The following EFL1 variants were observed in gnomAD, a reference collection of about 807,000 sequenced individuals.
The protein encoded by EFL1 is elongation factor-like GTPase 1.
EFL1 carries 76 observed loss-of-function variants against 126.7 expected under a neutral mutation model. The observed-to-expected ratio is 0.60, with a 90% confidence interval of 0.50 to 0.73. The LOEUF is 0.73. Ranked by LOEUF, EFL1 falls within the 30% of genes least tolerant of loss-of-function variation. The pLI, the probability that EFL1 is intolerant of heterozygous loss-of-function variation, is 0.00. For synonymous variants in EFL1, 410 were observed against 448.4 expected, an observed-to-expected ratio of 0.91 and a Z score of 1.08; for missense variants, 1,128 against 1,343.2, an observed-to-expected ratio of 0.84 and a Z score of 2.50.
Position 82,225,911 on chromosome 15 carries a change from T to C in EFL1, c.1193-647A>G, listed in dbSNP as rs116592383. On this transcript the variant is annotated intron_variant, in intron 11 of 19. Transcript: ENST00000268206. Reference sequence around the variant, plus strand: ...AATGAATTTTTTTAAAACAATTCCATCACCTCACGTTAAAATAATTTATAT... The same window carrying C: ...AATGAATTTTTTTAAAACAATTCCACCACCTCACGTTAAAATAATTTATAT... 6.0e-3 allele frequency among the ~76,000 whole-genome samples: 910 copies of C among 152,196 alleles called. 11 individuals carry two copies. The highest frequency in any genetic ancestry group is 0.021 in the African/African-American group (870 of 41,520).
At position 82,151,886 on chromosome 15, in the gene EFL1, T is replaced by C; in HGVS notation, c.2568A>G (p.Ser856=). 2 of 1,614,164 alleles carry C rather than the reference T, an allele frequency of 1.2e-6. No homozygotes were observed. Among genetic ancestry groups the C allele is most frequent in the East Asian group, 2.2e-5 (1 of 44,876 alleles). ...SVWTGPADKA[S]KEASRYRDLG... ...AATCTCGGTATCTACTGGCTTCTTT[T>C]GAAGCTTTGTCAGCTGGACCTGTCC... is the stretch of plus-strand genomic sequence containing the variant. Residue 856 remains serine, a synonymous_variant, in exon 18 of 20, where the codon TCA becomes TCG. Coordinates refer to ENST00000268206, the MANE Select transcript of EFL1 (RefSeq NM_024580.6).
rs781311907 is a variant in EFL1, at chr15:82,261,814, T to C, written c.-19-17A>G. 66 of 1,591,818 alleles carry C rather than the reference T, an allele frequency of 4.1e-5. No homozygotes were observed. Among genetic ancestry groups the C allele is most frequent in the Non-Finnish European group, 5.3e-5 (62 of 1,163,176 alleles). On this transcript the variant is annotated splice_polypyrimidine_tract_variant and intron_variant, in intron 1 of 19. Coordinates refer to ENST00000268206, the MANE Select transcript of EFL1 (RefSeq NM_024580.6). ...TTCCTGTGACTAAAAATTAAATATGTATTACAAATGGCCCAGAGGCTAAAG... is the reference window on the plus strand; with the variant it reads ...TTCCTGTGACTAAAAATTAAATATGCATTACAAATGGCCCAGAGGCTAAAG...
At chr15:82,164,007 C>T (rs201715677) in intron 15 of EFL1, 23 bp from the exon 16 acceptor site, 178 of 1,612,006 alleles carry the variant, frequency 1.1e-4, no homozygotes, top group Non-Finnish European at 7.5e-5. Context: ...AAGATCCATA[C>T]GGTCAATAAG....
At chr15:82,214,691 G>A in intron 15 of EFL1, 26 bp downstream of exon 15, 1 of 1,391,550 alleles carries the variant, frequency 7.2e-7, no homozygotes, top group South Asian at 1.3e-5. Context: ...AATGGAGTAA[G>A]GATAAAATAA....
In EFL1 at chr15:82,230,928, T is replaced by C. The variant is rs1166081021; in HGVS notation, c.775A>G (p.Lys259Glu). ...AAGGTTTTCATAAGAACTTCCTTTT[T>C]GATGCCAATTTTTTGACTGTAGATT... is the stretch of plus-strand genomic sequence containing the variant. ...ARIYSQKIGI[K>E]KEVLMKTLWG... The change falls in exon 8 of 20, where the codon AAA becomes GAA. Residue 259 changes from lysine (K) to glutamate (E), a missense_variant. Physicochemically the swap from Lys to Glu is moderately conservative, Grantham distance 56. Coordinates refer to ENST00000268206, the MANE Select transcript of EFL1 (RefSeq NM_024580.6). 13 of 1,613,422 alleles carry C rather than the reference T, an allele frequency of 8.1e-6. No homozygotes were observed. Among genetic ancestry groups the C allele is most frequent in the Non-Finnish European group, 1.0e-5 (12 of 1,179,676 alleles).
At chr15:82,186,153 A>G (rs927847470) in intron 15 of EFL1, among the ~76,000 whole-genome samples, 10 of 152,124 alleles carry the variant, frequency 6.6e-5, no homozygotes, top group African/African-American at 1.9e-4. Context: ...TTCTTACCAA[A>G]TAATAAAAGC....
intron 7 of EFL1, among the ~76,000 whole-genome samples, chr15:82,233,014 T>C (rs2074838021): frequency 6.6e-6 from 1 of 152,154 alleles, no homozygotes; most frequent in Admixed American, 6.6e-5. Context: ...GTGGTAAACT[T>C]AAAGATTTTT....
chr15:82,217,117 G>A (rs1357592013), intron 14 of EFL1, among the ~76,000 whole-genome samples: 6 of 151,848 alleles, frequency 4.0e-5, no homozygotes, highest in Non-Finnish European at 8.8e-5. Flanking sequence ...GCAAAATACC[G>A]TAATATACCC....
intron 13 of EFL1, 97 bp from the exon 14 acceptor site, chr15:82,219,915 C>A: frequency 6.7e-7 from 1 of 1,491,906 alleles, no homozygotes; most frequent in South Asian, 1.4e-5. Flanking sequence ...TATCTTTCGT[C>A]AAGTTTCAGG....
intron 12 of EFL1, among the ~76,000 whole-genome samples, chr15:82,224,176 T>A (rs1203434540): frequency 2.0e-5 from 3 of 152,190 alleles, no homozygotes; most frequent in African/African-American, 7.2e-5. Flanking sequence ...CTAAGACAGG[T>A]CAAGTTTATT....
At chr15:82,136,213 A>G (rs1236723933) in intron 19 of EFL1, among the ~76,000 whole-genome samples, 1 of 152,216 alleles carries the variant, frequency 6.6e-6, no homozygotes, top group Non-Finnish European at 1.5e-5. Flanking sequence ...TCATTCTTCC[A>G]ATAATGATGC....
chr15:82,207,825 G>A (rs1169811869), intron 15 of EFL1, among the ~76,000 whole-genome samples: 1 of 151,596 alleles, frequency 6.6e-6, no homozygotes, highest in Non-Finnish European at 1.5e-5. Flanking sequence ...CGGGTTCAAG[G>A]GATTCTCCTG....
At chr15:82,241,441 C>A in intron 4 of EFL1, 38 bp from the exon 5 acceptor site, 1 of 1,596,268 alleles carries the variant, frequency 6.3e-7, no homozygotes, top group South Asian at 1.1e-5. Flanking sequence ...TTCAGTTGTC[C>A]AGGTACACAA....
chr15:82,207,742 A>AG (rs1438683820), intron 15 of EFL1, among the ~76,000 whole-genome samples: 1 of 146,966 alleles, frequency 6.8e-6, no homozygotes, highest in African/African-American at 2.6e-5. Context: ...TTTTTTGAGA[A>AG]GGAGTTTCGC....
intron 15 of EFL1, among the ~76,000 whole-genome samples, chr15:82,166,416 T>G (rs545154667): frequency 1.3e-5 from 2 of 152,220 alleles, no homozygotes; most frequent in Non-Finnish European, 2.9e-5. Flanking sequence ...GATTAGAATT[T>G]ATGGAAAAAG....
chr15:82,226,892 G>A (rs545458788), intron 11 of EFL1, among the ~76,000 whole-genome samples: 2 of 152,312 alleles, frequency 1.3e-5, no homozygotes, highest in East Asian at 1.9e-4. Flanking sequence ...AGGGAGACAC[G>A]AAGAAAAGCA....
At chr15:82,132,123 C>T (rs762083370) in intron 19 of EFL1, among the ~76,000 whole-genome samples, 8 of 152,260 alleles carry the variant, frequency 5.3e-5, no homozygotes, top group East Asian at 1.9e-4. Flanking sequence ...TCCTGAGGCT[C>T]GATTCTGACC....
rs746703247 is a variant in EFL1, at chr15:82,152,162, C to T, written c.2292G>A (p.Gln764=). The T allele has an allele frequency of 2.2e-5, 35 of 1,614,138 alleles. No individual in the cohort carries two copies. The highest frequency in any genetic ancestry group is 2.9e-5 in the Non-Finnish European group (34 of 1,180,034). ...RAMPLPEEVT[Q]ILEENSDLIR... is the part of the protein sequence containing the mutation. ...TCAAATCACTATTTTCTTCCAGAAT[C>T]TGGGTGACTTCTTCTGGAAGGGGCA... Residue 764 remains glutamine, a synonymous_variant, in exon 18 of 20, where the codon CAG becomes CAA. Coordinates refer to ENST00000268206, the MANE Select transcript of EFL1 (RefSeq NM_024580.6).
intron 1 of EFL1, chr15:82,262,033 G>A: frequency 2.6e-6 from 1 of 385,096 alleles, no homozygotes; most frequent in Non-Finnish European, 4.7e-6. Flanking sequence ...TCCAAAGGCT[G>A]CGATGAATCA....
Sources: allele counts gnomAD v4.1 joint callset (sites outside exome capture counted in the v4.1 genomes callset), GRCh38; gene constraint gnomAD v4.1.1; transcripts MANE v1.5; gene names NCBI Gene and HGNC (gene_info 2026-07-23, HGNC 2026-07-21).